Variants in NAA25 observed in about 807,000 individuals in gnomAD.
NAA25 encodes the protein N-terminal acetyltransferase B complex subunit NAA25.
A neutral mutation model predicts 132.5 loss-of-function variants in NAA25; 30 were observed. That is an observed-to-expected ratio of 0.23 (90% CI 0.17 to 0.31). NAA25 has a LOEUF of 0.31. Among genes scored for constraint, NAA25 ranks in the 10% least tolerant of loss-of-function variants. NAA25 has a pLI of 1.00. For missense variants in NAA25, 771 were observed against 1,150.4 expected, an observed-to-expected ratio of 0.67 and a Z score of 4.77; for synonymous variants, 359 against 401.9, an observed-to-expected ratio of 0.89 and a Z score of 1.28.
At chr12:112,053,821 T>TAAAAAAAAAAAAAAAAAAAAAAAAAAAA in intron 14 of NAA25, among the ~76,000 whole-genome samples, 164 bp from the exon 15 acceptor site, 1 of 114,344 alleles carries the variant, frequency 8.7e-6, no homozygotes, top group Non-Finnish European at 1.8e-5. Flanking sequence ...AGTTAAAATT[T>TAAAAAAAAAAAAAAAAAAAAAAAAAAAA]AAAAAAAAAA....
In NAA25 at chr12:112,049,087, G is replaced by A. The variant is rs571640436; in HGVS notation, c.1729-644C>T. Among the ~76,000 whole-genome samples, 19 of 152,292 alleles carry A rather than the reference G, an allele frequency of 1.2e-4. No homozygotes were observed. Among genetic ancestry groups the A allele is most frequent in the Admixed American group, 8.5e-4 (13 of 15,308 alleles). Reference sequence around the variant, plus strand: ...CAAGTTTCTTGTCCATCTACATTACGTAAGACCTCTGCTGGAAATTTCCTT... The same window carrying A: ...CAAGTTTCTTGTCCATCTACATTACATAAGACCTCTGCTGGAAATTTCCTT... On this transcript the variant is annotated intron_variant, in intron 15 of 23. Coordinates refer to ENST00000261745, the MANE Select transcript of NAA25 (RefSeq NM_024953.4). This position sits in a 1 kb window ranked among gnomAD's most constrained non-coding sequence, Gnocchi z 4.7.
intron 1 of NAA25, among the ~76,000 whole-genome samples, chr12:112,102,566 G>A (rs1030195946): frequency 2.0e-5 from 3 of 152,118 alleles, no homozygotes; most frequent in African/African-American, 7.2e-5. Flanking sequence ...CAGCAGAATA[G>A]TTTTTTGTTT....
intron 17 of NAA25, among the ~76,000 whole-genome samples, chr12:112,044,721 A>T (rs1186019533): frequency 6.6e-6 from 1 of 151,874 alleles, no homozygotes; most frequent in African/African-American, 2.4e-5. Context: ...TTTCCTTATA[A>T]GTGACACTTT....
chr12:112,072,579 A>G (rs2078828690), intron 9 of NAA25, among the ~76,000 whole-genome samples: 1 of 150,790 alleles, frequency 6.6e-6, no homozygotes, highest in South Asian at 2.1e-4. Context: ...ACTGCACTCC[A>G]GCCTAGGTGA....
intron 4 of NAA25, among the ~76,000 whole-genome samples, chr12:112,081,575 T>C (rs1366600099): frequency 1.3e-5 from 2 of 152,212 alleles, no homozygotes; most frequent in Non-Finnish European, 2.9e-5. Context: ...AAATTCTTCT[T>C]AGCTTAGGAA....
At chr12:112,058,472 CAG>C (rs1291041923) in intron 13 of NAA25, among the ~76,000 whole-genome samples, 1 of 152,160 alleles carries the variant, frequency 6.6e-6, no homozygotes, top group Non-Finnish European at 1.5e-5. Flanking sequence ...CTCAGGAAAA[CAG>C]GGTACCTCTG....
intron 19 of NAA25, among the ~76,000 whole-genome samples, chr12:112,042,755 C>T (rs1001472833): frequency 2.0e-5 from 3 of 152,258 alleles, no homozygotes; most frequent in Non-Finnish European, 4.4e-5. Flanking sequence ...GATCCGCCTG[C>T]CTTGGCCACC....
intron 12 of NAA25, among the ~76,000 whole-genome samples, 178 bp downstream of exon 12, chr12:112,061,003 T>C (rs1242927040): frequency 6.6e-6 from 1 of 152,208 alleles, no homozygotes; most frequent in Non-Finnish European, 1.5e-5. Flanking sequence ...CCAATCAGAA[T>C]TATTTAAAAC....
intron 13 of NAA25, among the ~76,000 whole-genome samples, chr12:112,056,490 G>C (rs1189245340): frequency 6.6e-6 from 1 of 152,204 alleles, no homozygotes; most frequent in East Asian, 1.9e-4. Flanking sequence ...CCAGGAGGTT[G>C]AGGCTACAGA....
Position 112,053,626 on chromosome 12 carries a change from C to T in NAA25, c.1660G>A (p.Gly554Ser). ...GATTGGGACGCAGCAGCATACTGACCTAGAGATTCAGCATATCGGGTCAAA... is the reference window on the plus strand; with the variant it reads ...GATTGGGACGCAGCAGCATACTGACTTAGAGATTCAGCATATCGGGTCAAA... ...YLLTRYAESLGQYAAASQSCN... is the reference protein window; with the variant it reads ...YLLTRYAESLSQYAAASQSCN... Residue 554 changes from glycine to serine, a missense_variant, in exon 15 of 24, where the codon GGT (glycine) becomes AGT (serine). Around this residue, in one of 3 missense-constraint regions of NAA25, gnomAD observed 417 missense variants for 733.8 expected, o/e 0.57. Coordinates refer to ENST00000261745, the MANE Select transcript of NAA25 (RefSeq NM_024953.4). The T allele has an allele frequency of 6.2e-7, 1 of 1,607,434 alleles. No individual in the cohort carries two copies. The highest frequency in any genetic ancestry group is 1.1e-5 in the South Asian group (1 of 90,074).
chr12:112,072,311 T>C (rs1211132741), intron 9 of NAA25, among the ~76,000 whole-genome samples: 2 of 152,048 alleles, frequency 1.3e-5, no homozygotes, highest in Non-Finnish European at 2.9e-5. Context: ...ATTTTGTATA[T>C]ATGAAATACT....
At chr12:112,102,065 C>A (rs896369339) in intron 1 of NAA25, among the ~76,000 whole-genome samples, 3 of 151,712 alleles carry the variant, frequency 2.0e-5, no homozygotes, top group Admixed American at 6.6e-5. Flanking sequence ...GATGGGTTTT[C>A]ACCACGTTGG....
chr12:112,092,105 G>A (rs1179174357), intron 2 of NAA25, among the ~76,000 whole-genome samples: 1 of 152,132 alleles, frequency 6.6e-6, no homozygotes, highest in Non-Finnish European at 1.5e-5. Context: ...GCCGGGCGTG[G>A]TAGGACGCGC....
chr12:112,059,119 A>C (rs1450673267), intron 13 of NAA25, among the ~76,000 whole-genome samples: 23 of 123,560 alleles, frequency 1.9e-4, no homozygotes, highest in South Asian at 2.8e-4. Flanking sequence ...AAAAAAAAAA[A>C]AAAACTAGCT....
Position 112,108,742 on chromosome 12 carries a change from T to G in NAA25, c.32A>C (p.Asn11Thr), listed in dbSNP as rs551464443. Reference protein sequence around the residue: MATRGHVQDPNDRRLRPIYDY... With the variant: MATRGHVQDPTDRRLRPIYDY... The stretch of plus-strand genomic sequence containing the variant: ...GTAAATGGGCCGGAGGCGCCTGTCG[T>G]TAGGGTCCTGCACATGGCCCCGCGT... The change falls in exon 1 of 24, where the codon AAC becomes ACC. Residue 11 changes from asparagine to threonine, a missense_variant. Transcript: ENST00000261745. 1.2e-4 allele frequency: 179 copies of G among 1,530,172 alleles called. No homozygotes were observed. The Admixed American group carries it at 2.7e-3, about 23-fold the overall frequency. The allele number at this position is 1,530,172 out of a possible 1,614,324, so 94.8% of individuals were successfully genotyped here. A position where few individuals can be genotyped will look rare whatever the true frequency, so the allele number is the denominator to read the frequency against.
chr12:112,039,373 A>T (rs2136809404), intron 21 of NAA25, 34 bp from the exon 22 acceptor site: 2 of 1,241,112 alleles, frequency 1.6e-6, no homozygotes, highest in Non-Finnish European at 2.3e-6. Flanking sequence ...ACCAATAAGG[A>T]TTACACTAAA....
intron 22 of NAA25, among the ~76,000 whole-genome samples, chr12:112,035,681 CTTT>C (rs11356583): frequency 2.3e-4 from 32 of 138,268 alleles, no homozygotes; most frequent in East Asian, 2.2e-4. Context: ...CATCAACTTT[CTTT>C]TTTTTTTTTT....
At chr12:112,072,758 T>C (rs2078833212) in intron 9 of NAA25, among the ~76,000 whole-genome samples, 1 of 151,672 alleles carries the variant, frequency 6.6e-6, no homozygotes, top group South Asian at 2.1e-4. Flanking sequence ...AGGCAATGCA[T>C]GGAGACCCCA....
chr12:112,100,390 T>C (rs1468156417), intron 1 of NAA25, among the ~76,000 whole-genome samples: 1 of 152,042 alleles, frequency 6.6e-6, no homozygotes, highest in East Asian at 1.9e-4. Context: ...CTCGATCTCC[T>C]GACCTCGTGA....
Sources: gnomAD v4.1 joint callset for allele counts (sites outside exome capture counted in the v4.1 genomes callset) on GRCh38, gnomAD v4.1.1 for gene constraint, gnomAD v4.1.1 regional missense constraint, Gnocchi (gnomAD v3.1) non-coding constraint, MANE v1.5 for transcripts, NCBI Gene and HGNC (gene_info 2026-07-23, HGNC 2026-07-21) for gene names.